The following C1QTNF3 variants were observed in gnomAD, a reference collection of about 807,000 sequenced individuals.
C1QTNF3 encodes the protein C1q and TNF related 3.
C1QTNF3 carries 26 observed loss-of-function variants against 32.6 expected under a neutral mutation model. That is an observed-to-expected ratio of 0.80 (90% CI 0.58 to 1.11). The LOEUF is 1.11. C1QTNF3 is among the 50% of genes least tolerant of loss of function. The pLI is 0.00. For synonymous variants in C1QTNF3, 155 were observed against 146.0 expected (o/e 1.06, Z -0.44); for missense variants, 362 against 398.2 (o/e 0.91, Z 0.77).
chr5:34,059,956 T>C, the C1QTNF3 span, among the ~76,000 whole-genome samples: 12 of 152,152 alleles, frequency 7.9e-5, no homozygotes, highest in African/African-American at 2.4e-4. Context: ...CTGAGAATAA[T>C]AGGCAGGCCT....
the C1QTNF3 span, among the ~76,000 whole-genome samples, chr5:34,072,907 T>C: frequency 2.6e-5 from 4 of 152,212 alleles, no homozygotes; most frequent in South Asian, 2.1e-4. Flanking sequence ...CTAAAAAACA[T>C]TGAAATCTAT....
chr5:34,116,265 T>C, the C1QTNF3 span, among the ~76,000 whole-genome samples: 19 of 152,138 alleles, frequency 1.2e-4, no homozygotes, highest in African/African-American at 4.6e-4. Context: ...TTATTGAGGC[T>C]TTTAAAAATG....
chr5:34,154,031 AT>A, the C1QTNF3 span, among the ~76,000 whole-genome samples: 4 of 85,360 alleles, frequency 4.7e-5, no homozygotes, highest in African/African-American at 1.8e-4. Flanking sequence ...AACCTGCAAA[AT>A]AAAAAAAAAA....
chr5:34,224,254 C>T, the C1QTNF3 span, among the ~76,000 whole-genome samples: 1 of 152,152 alleles, frequency 6.6e-6, no homozygotes. Flanking sequence ...TCAATGCCAT[C>T]CCCATCAAGC....
intron 4 of C1QTNF3, 34 bp from the exon 5 acceptor site, chr5:34,024,042 T>C (rs374959780): frequency 2.6e-5 from 39 of 1,522,030 alleles, no homozygotes; most frequent in Non-Finnish European, 3.5e-5. Context: ...ATGTTGATAT[T>C]AACATGTTAT....
At chr5:34,158,107 T>C in the C1QTNF3 span, 1 of 134,462 alleles carries the variant, frequency 7.4e-6, no homozygotes, top group Non-Finnish European at 1.6e-5. Context: ...GCTGCTTTTC[T>C]TTTTTTTTTT....
the C1QTNF3 span, among the ~76,000 whole-genome samples, chr5:34,067,734 C>G: frequency 1.9e-4 from 29 of 152,246 alleles, no homozygotes; most frequent in African/African-American, 6.0e-4. Context: ...CTTCAAACAT[C>G]TAGTCCAAGA....
At chr5:34,197,005 T>C in the C1QTNF3 span, among the ~76,000 whole-genome samples, 1 of 152,308 alleles carries the variant, frequency 6.6e-6, no homozygotes. Context: ...GGCTAGTGGC[T>C]AATGTATTGA....
the C1QTNF3 span, among the ~76,000 whole-genome samples, chr5:34,116,609 A>G: frequency 6.8e-6 from 1 of 147,600 alleles, no homozygotes; most frequent in African/African-American, 2.5e-5. Context: ...TATTTTTGTT[A>G]TTTGAGATGG....
At chr5:34,091,396 T>G in the C1QTNF3 span, among the ~76,000 whole-genome samples, 1 of 152,280 alleles carries the variant, frequency 6.6e-6, no homozygotes, top group East Asian at 1.9e-4. Context: ...TTTTGTTTCC[T>G]CTTTGCCTGG....
chr5:34,240,968 T>C, the C1QTNF3 span, among the ~76,000 whole-genome samples: 14 of 152,188 alleles, frequency 9.2e-5, no homozygotes, highest in East Asian at 2.7e-3. Context: ...TGGTTCAACA[T>C]ATGCAAATCA....
chr5:34,120,033 C>T, the C1QTNF3 span, among the ~76,000 whole-genome samples: 6 of 152,138 alleles, frequency 3.9e-5, no homozygotes, highest in East Asian at 7.7e-4. Context: ...ACAGAAACAT[C>T]GGTATTTGAT....
the C1QTNF3 span, among the ~76,000 whole-genome samples, chr5:34,084,809 G>T: frequency 0.11 from 2,693 of 23,978 alleles, 351 homozygotes; most frequent in African/African-American, 0.29. Flanking sequence ...TGTTTTTTTT[G>T]TTTTTTTTCT....
the C1QTNF3 span, among the ~76,000 whole-genome samples, chr5:34,102,816 C>A: frequency 1.3e-5 from 2 of 152,238 alleles, no homozygotes; most frequent in Non-Finnish European, 2.9e-5. Context: ...GGGAACATCA[C>A]ACACCGGGGC....
chr5:34,230,918 GTGT>G, the C1QTNF3 span, among the ~76,000 whole-genome samples: 1 of 151,770 alleles, frequency 6.6e-6, no homozygotes, highest in Non-Finnish European at 1.5e-5. Context: ...CTATTTTTTG[GTGT>G]TGTTATTTCT....
chr5:34,132,435 G>GTATATATATATA, the C1QTNF3 span, among the ~76,000 whole-genome samples: 584 of 137,464 alleles, frequency 4.2e-3, 4 homozygotes, highest in East Asian at 0.011. Context: ...GTATGTGTAT[G>GTATATATATATA]TATATATATA....
At chr5:34,043,271 G>A (rs917878844), upstream of C1QTNF3, 4 of 776,862 alleles carry the variant, frequency 5.1e-6, no homozygotes, top group Non-Finnish European at 8.1e-6. Flanking sequence ...AAGGCTGTAG[G>A]CATGCCAGAG....
At chr5:34,079,709 A>G in the C1QTNF3 span, among the ~76,000 whole-genome samples, 1 of 151,744 alleles carries the variant, frequency 6.6e-6, no homozygotes, top group Non-Finnish European at 1.5e-5. Context: ...CACAATACCA[A>G]TTATATGATA....
chr5:34,069,398 C>T, the C1QTNF3 span, among the ~76,000 whole-genome samples: 6 of 152,084 alleles, frequency 3.9e-5, no homozygotes, highest in African/African-American at 1.2e-4. Flanking sequence ...TAGATGGTCA[C>T]TGAAGGCAGA....
Sources: gnomAD v4.1 joint callset for allele counts (sites outside exome capture counted in the v4.1 genomes callset) on GRCh38, gnomAD v4.1.1 for gene constraint, MANE v1.5 for transcripts, NCBI Gene and HGNC (gene_info 2026-07-23, HGNC 2026-07-21) for gene names.